Variants in EXOC5 observed in about 807,000 individuals in gnomAD.
EXOC5 encodes exocyst complex component 5.
Under a neutral mutation model 90.8 loss-of-function variants are expected in EXOC5, and 17 were observed. The ratio of observed to expected loss-of-function variants is 0.19; its 90% CI spans 0.13 to 0.28. The LOEUF is 0.28. Ranked by LOEUF, EXOC5 falls within the 10% of genes least tolerant of loss-of-function variation. EXOC5 has a pLI of 1.00. For missense variants in EXOC5, 569 were observed against 830.6 expected (o/e 0.69, Z 3.87); for synonymous variants, 260 against 270.0 (o/e 0.96, Z 0.36).
At chr14:57,252,275 C>T (rs1289956648) in intron 1 of EXOC5, among the ~76,000 whole-genome samples, 2 of 152,262 alleles carry the variant, frequency 1.3e-5, no homozygotes, top group South Asian at 2.1e-4. Context: ...GACTAATATC[C>T]CTTTATAAAC....
At chr14:57,238,194 TAGG>T (rs1883723591) in intron 5 of EXOC5, among the ~76,000 whole-genome samples, 1 of 146,346 alleles carries the variant, frequency 6.8e-6, no homozygotes, top group East Asian at 2.0e-4. Context: ...TGAATCTATT[TAGG>T]ATATATATTC....
At chr14:57,211,283 T>C (rs1566724116) in intron 15 of EXOC5, among the ~76,000 whole-genome samples, 1 of 152,226 alleles carries the variant, frequency 6.6e-6, no homozygotes, top group African/African-American at 2.4e-5. Context: ...AGTCCATGAA[T>C]GAGCAACTGG....
intron 1 of EXOC5, among the ~76,000 whole-genome samples, chr14:57,255,478 A>G (rs1163161224): frequency 6.6e-6 from 1 of 152,074 alleles, no homozygotes; most frequent in Non-Finnish European, 1.5e-5. Flanking sequence ...TTCACTGGTC[A>G]TATCATAAAC....
intron 12 of EXOC5, among the ~76,000 whole-genome samples, chr14:57,225,121 T>C (rs1883265618): frequency 6.6e-6 from 1 of 152,154 alleles, no homozygotes; most frequent in Non-Finnish European, 1.5e-5. Context: ...TACAAAAGTT[T>C]AGCAAACTTA....
chr14:57,233,909 G>A, intron 8 of EXOC5, 26 bp from the exon 9 acceptor site: 2 of 1,602,374 alleles, frequency 1.2e-6, no homozygotes, highest in Non-Finnish European at 1.7e-6. Flanking sequence ...ATTTTATACA[G>A]TGAACATATA....
In EXOC5 at chr14:57,238,072, C is replaced by T. The variant is rs113126713; in HGVS notation, c.531-706G>A. On this transcript the variant is annotated intron_variant, in intron 5 of 17. Coordinates refer to ENST00000621441, the MANE Select transcript of EXOC5 (RefSeq NM_006544.4). ...GGAGAGTGGCTGGCAAAAGAGATGC[C>T]AAAGACAAATGAAGAAGGAAACAAA... is the stretch of plus-strand genomic sequence containing the variant. 2.3e-3 allele frequency among the ~76,000 whole-genome samples: 354 copies of T among 151,348 alleles called. 2 individuals are homozygous for T. The highest frequency in any genetic ancestry group is 8.2e-3 in the African/African-American group (339 of 41,274).
At chr14:57,212,932 G>A (rs1218935476) in intron 15 of EXOC5, among the ~76,000 whole-genome samples, 7 of 152,264 alleles carry the variant, frequency 4.6e-5, no homozygotes, top group African/African-American at 1.7e-4. Flanking sequence ...ACTTTATGCA[G>A]TGTTTTTATA....
At chr14:57,250,431 TC>T (rs1884157193) in intron 1 of EXOC5, among the ~76,000 whole-genome samples, 1 of 152,200 alleles carries the variant, frequency 6.6e-6, no homozygotes, top group South Asian at 2.1e-4. Flanking sequence ...ATAATAATTC[TC>T]CTATTCCTTC....
At chr14:57,213,591 A>G (rs1882887338) in intron 15 of EXOC5, among the ~76,000 whole-genome samples, 1 of 151,722 alleles carries the variant, frequency 6.6e-6, no homozygotes, top group Admixed American at 6.6e-5. Flanking sequence ...TATTTTTAGT[A>G]GAGATGGGGT....
intron 12 of EXOC5, 42 bp from the exon 13 acceptor site, chr14:57,222,458 C>G (rs1265873229): frequency 8.2e-7 from 1 of 1,214,550 alleles, no homozygotes; most frequent in Non-Finnish European, 1.2e-6. Flanking sequence ...TCAAGTCTAC[C>G]TTTTGAAAAT....
rs1015246885 is a variant in EXOC5 at position 57,204,710 on chromosome 14, T to C, written c.*3899A>G. On this transcript the variant is annotated 3_prime_UTR_variant, in exon 18 of 18. Transcript: ENST00000621441. ...CCAATAAAGATTTGTGATAGACATA[T>C]TTCTATTAGGTACAAACTTAACATT... 1.3e-5 allele frequency: 2 copies of C among 152,428 alleles called. No individual in the cohort carries two copies. Among genetic ancestry groups the C allele is most frequent in the Non-Finnish European group, 2.9e-5 (2 of 67,916 alleles). 9.4% of individuals were successfully genotyped at this position (152,428 alleles called of 1,614,324 possible).
intron 13 of EXOC5, 47 bp downstream of exon 13, chr14:57,222,261 A>G: frequency 1.1e-6 from 1 of 928,690 alleles, no homozygotes; most frequent in Non-Finnish European, 1.7e-6. Context: ...AGTTTAACCA[A>G]GCAGAATCAA....
At chr14:57,256,693 C>A (rs921431019) in intron 1 of EXOC5, among the ~76,000 whole-genome samples, 2 of 152,210 alleles carry the variant, frequency 1.3e-5, no homozygotes, top group African/African-American at 4.8e-5. Context: ...CCTTCATGGG[C>A]AGATTTTCAG....
At chr14:57,244,491 T>C (rs893428283) in intron 3 of EXOC5, 132 bp from the exon 4 acceptor site, 2 of 675,020 alleles carry the variant, frequency 3.0e-6, no homozygotes, top group Non-Finnish European at 5.1e-6. Flanking sequence ...TCATGCTCAT[T>C]AGTGTGACAT....
chr14:57,263,718 T>G (rs1884584805), intron 1 of EXOC5, among the ~76,000 whole-genome samples: 1 of 120,896 alleles, frequency 8.3e-6, no homozygotes, highest in Admixed American at 1.2e-4. Flanking sequence ...TGAGCTGAGA[T>G]CACGCCACTG....
chr14:57,234,106 T>C (rs1883575716), intron 7 of EXOC5, 74 bp from the exon 8 acceptor site: 1 of 1,166,960 alleles, frequency 8.6e-7, no homozygotes, highest in Non-Finnish European at 1.3e-6. Context: ...AGAAGTGTTA[T>C]ATGTCATAAA....
intron 4 of EXOC5, 88 bp downstream of exon 4, chr14:57,244,077 T>A (rs902198216): frequency 3.7e-5 from 31 of 837,408 alleles, no homozygotes; most frequent in Middle Eastern, 6.9e-4. Flanking sequence ...TGATTTGAAG[T>A]CTAACTCTGG....
intron 1 of EXOC5, among the ~76,000 whole-genome samples, chr14:57,248,333 T>A (rs1433869848): frequency 1.3e-5 from 2 of 151,998 alleles, no homozygotes; most frequent in Non-Finnish European, 2.9e-5. Context: ...GAGCATTATG[T>A]ATATTACTAA....
At chr14:57,245,518 TATTATTATTATTACCAA>T (rs1333307223) in intron 3 of EXOC5, among the ~76,000 whole-genome samples, 2 of 152,130 alleles carry the variant, frequency 1.3e-5, no homozygotes, top group African/African-American at 4.8e-5. Flanking sequence ...TTAGCTTAAC[TATTATTATTATTACCAA>T]GGGAAAACTG....
Sources: gnomAD v4.1 joint callset for allele counts (sites outside exome capture counted in the v4.1 genomes callset) on GRCh38, gnomAD v4.1.1 for gene constraint, MANE v1.5 for transcripts, NCBI Gene and HGNC (gene_info 2026-07-23, HGNC 2026-07-21) for gene names.